The following INPP4A variants were observed in gnomAD, a reference collection of about 807,000 sequenced individuals.
The protein encoded by INPP4A is inositol polyphosphate-4-phosphatase, type I, 107kD.
Under a neutral mutation model 119.8 loss-of-function variants are expected in INPP4A, and 33 were observed. That is an observed-to-expected ratio of 0.28 (90% CI 0.21 to 0.37). The LOEUF (loss-of-function observed/expected upper bound fraction) is 0.37, where lower values mean the gene tolerates loss of function less well. Ranked by LOEUF, INPP4A falls within the 10% of genes least tolerant of loss-of-function variation. The pLI is 1.00. For missense variants in INPP4A, 956 were observed against 1,289.9 expected, an observed-to-expected ratio of 0.74 and a Z score of 3.97; for synonymous variants, 496 against 500.7, an observed-to-expected ratio of 0.99 and a Z score of 0.12.
intron 1 of INPP4A, among the ~76,000 whole-genome samples, chr2:98,492,194 T>C (rs1680949671): frequency 6.6e-6 from 1 of 152,204 alleles, no homozygotes; most frequent in South Asian, 2.1e-4. Context: ...CTGCATTTTT[T>C]ACTTCTGATG....
At chr2:98,474,342 T>TA (rs1285806891) in intron 1 of INPP4A, among the ~76,000 whole-genome samples, 3 of 152,230 alleles carry the variant, frequency 2.0e-5, no homozygotes, top group African/African-American at 4.8e-5. Flanking sequence ...GCAGGATTCT[T>TA]ACACAAAAGG....
rs1310421122 is a variant in INPP4A, at chr2:98,566,427, C to G, written c.2420+258C>G. 6.6e-6 allele frequency among the ~76,000 whole-genome samples: 1 copy of G among 152,078 alleles called. No individual in the cohort carries two copies. The highest frequency in any genetic ancestry group is 1.5e-5 in the Non-Finnish European group (1 of 68,012). ...ATGGATGCAATGATGAAGACAGATACAGGGCATTGTGGGATCCGGAGTAGG... is the reference window on the plus strand; with the variant it reads ...ATGGATGCAATGATGAAGACAGATAGAGGGCATTGTGGGATCCGGAGTAGG... On this transcript the variant is annotated intron_variant, in intron 21 of 24. Transcript: ENST00000409851. This position sits in a 1 kb window ranked among gnomAD's most constrained non-coding sequence, Gnocchi z 4.2.
chr2:98,543,731 A>T, intron 10 of INPP4A, 146 bp from the exon 11 acceptor site: 1 of 972,194 alleles, frequency 1.0e-6, no homozygotes, highest in Non-Finnish European at 1.5e-6. Context: ...GTTGCCCTTT[A>T]GACAGGCAGT....
chr2:98,515,483 G>A (rs3754882), intron 1 of INPP4A, among the ~76,000 whole-genome samples: 3,044 of 152,184 alleles, frequency 0.02, 130 homozygotes, highest in East Asian at 0.2. Flanking sequence ...GGCAGGGAGA[G>A]GGGCCCCCAT....
At chr2:98,461,904 T>C (rs3769738) in intron 1 of INPP4A, among the ~76,000 whole-genome samples, 41,816 of 152,196 alleles carry the variant, frequency 0.27, 5,795 homozygotes, top group Middle Eastern at 0.35. Flanking sequence ...GCCTGTTAGC[T>C]TCTTTCCAGC....
intron 1 of INPP4A, among the ~76,000 whole-genome samples, chr2:98,498,480 C>A (rs963042239): frequency 2.0e-5 from 3 of 151,912 alleles, no homozygotes; most frequent in Non-Finnish European, 4.4e-5. Context: ...TCTTTATCAG[C>A]AGCATGAAAA....
At chr2:98,450,541 G>T (rs191404903) in intron 1 of INPP4A, among the ~76,000 whole-genome samples, 1 of 152,192 alleles carries the variant, frequency 6.6e-6, no homozygotes, top group South Asian at 2.1e-4. Context: ...TGGGCAAGTG[G>T]CTTAATCTTT....
intron 1 of INPP4A, among the ~76,000 whole-genome samples, chr2:98,487,732 G>C (rs1236536240): frequency 6.6e-6 from 1 of 152,220 alleles, no homozygotes; most frequent in Non-Finnish European, 1.5e-5. Flanking sequence ...AAGGTTGGAG[G>C]TTTTATAAAA....
intron 1 of INPP4A, among the ~76,000 whole-genome samples, chr2:98,451,540 C>T (rs951534374): frequency 1.3e-5 from 2 of 152,080 alleles, no homozygotes; most frequent in East Asian, 1.9e-4. Flanking sequence ...TCCTGACCTC[C>T]GGTTGCTGCA....
At chr2:98,530,114 GACTA>G (rs1328516490) in intron 4 of INPP4A, among the ~76,000 whole-genome samples, 1 of 150,402 alleles carries the variant, frequency 6.6e-6, no homozygotes, top group Non-Finnish European at 1.5e-5. Flanking sequence ...CTCCTTATGA[GACTA>G]ACAAATTCTA....
intron 1 of INPP4A, among the ~76,000 whole-genome samples, chr2:98,482,449 CTGAA>C (rs1248439798): frequency 6.6e-6 from 1 of 152,260 alleles, no homozygotes; most frequent in African/African-American, 2.4e-5. Context: ...GGAGGGCAGT[CTGAA>C]GAAGAGTGGG....
At chr2:98,535,137 C>T (rs544385415) in intron 5 of INPP4A, among the ~76,000 whole-genome samples, 3 of 152,092 alleles carry the variant, frequency 2.0e-5, no homozygotes, top group South Asian at 4.1e-4. Flanking sequence ...TATGGTATTA[C>T]GGGGCTTTGG....
chr2:98,466,070 G>A (rs1674715518), intron 1 of INPP4A, among the ~76,000 whole-genome samples: 1 of 151,944 alleles, frequency 6.6e-6, no homozygotes, highest in African/African-American at 2.4e-5. Context: ...TTTTGAGATG[G>A]AGTCTCACTC....
intron 24 of INPP4A, among the ~76,000 whole-genome samples, chr2:98,584,458 G>A (rs1309789631): frequency 6.6e-6 from 1 of 152,232 alleles, no homozygotes; most frequent in East Asian, 1.9e-4. Context: ...GCTCAAGGAT[G>A]CTTCTGTGGC....
At chr2:98,498,383 C>G (rs903123931) in intron 1 of INPP4A, among the ~76,000 whole-genome samples, 12 of 152,166 alleles carry the variant, frequency 7.9e-5, no homozygotes, top group South Asian at 2.1e-4. Context: ...CTTTTGCCTT[C>G]TGCTATGATT....
In INPP4A at chr2:98,552,954, C is replaced by T. The variant is rs940678987; in HGVS notation, c.1332C>T (p.Ala444=). Residue 444 remains alanine, a synonymous_variant, in exon 14 of 25, where the codon GCC becomes GCT. Coordinates refer to ENST00000409851, the MANE Select transcript of INPP4A (RefSeq NM_001134225.2). ...CCACTGGCCTTGAGAGGACACTCGC[C>T]ATCTTGGCAGACAAGGTAGGAGGGG... ...RSATGLERTL[A]ILADKTRQLV... 6.2e-7 allele frequency: 1 copy of T among 1,611,100 alleles called. No individual in the cohort carries two copies. Among genetic ancestry groups the T allele is most frequent in the Non-Finnish European group, 8.5e-7 (1 of 1,178,222 alleles).
At position 98,546,036 on chromosome 2, in the gene INPP4A, C is replaced by T. The variant is rs1217596496; in HGVS notation, c.1017C>T (p.His339=). 3.1e-6 allele frequency: 5 copies of T among 1,590,106 alleles called. No homozygotes were observed. The highest frequency in any genetic ancestry group is 4.3e-6 in the Non-Finnish European group (5 of 1,167,604). ...KKLEFVPTNL[H]IQRMRVQDDG... ...TAGAATTTGTTCCCACAAACTTGCA[C>T]ATACAAAGGATGAGAGTTCAAGACG... The change falls in exon 12 of 25, where the codon CAC becomes CAT. Residue 339 remains histidine (H), a synonymous_variant. Coordinates refer to ENST00000409851, the MANE Select transcript of INPP4A (RefSeq NM_001134225.2). The surrounding 1 kb of genome is among the most constrained non-coding windows in gnomAD (Gnocchi z 4.2).
intron 4 of INPP4A, among the ~76,000 whole-genome samples, chr2:98,525,410 A>G (rs1688010894): frequency 6.6e-6 from 1 of 152,214 alleles, no homozygotes; most frequent in Non-Finnish European, 1.5e-5. Context: ...TCACTTAATC[A>G]CATCTGTAAA....
At chr2:98,470,344 G>T (rs1485884187) in intron 1 of INPP4A, among the ~76,000 whole-genome samples, 1 of 152,256 alleles carries the variant, frequency 6.6e-6, no homozygotes, top group African/African-American at 2.4e-5. Context: ...CCCACCTGGG[G>T]TTCCCCTGAT....
Sources: gnomAD v4.1 joint callset for allele counts (sites outside exome capture counted in the v4.1 genomes callset) on GRCh38, gnomAD v4.1.1 for gene constraint, Gnocchi (gnomAD v3.1) non-coding constraint, MANE v1.5 for transcripts, NCBI Gene and HGNC (gene_info 2026-07-23, HGNC 2026-07-21) for gene names.